Variants in KCNT2 observed in about 807,000 individuals in gnomAD.
KCNT2 encodes potassium sodium-activated channel subfamily T member 2, also known as potassium channel subfamily T member 2.
KCNT2 carries 67 observed loss-of-function variants against 153.8 expected under a neutral mutation model. The ratio of observed to expected loss-of-function variants is 0.44; its 90% CI spans 0.36 to 0.53. KCNT2 has a LOEUF of 0.53. Among genes scored for constraint, KCNT2 ranks in the 20% least tolerant of loss-of-function variants. The pLI, the probability that KCNT2 is intolerant of heterozygous loss-of-function variation, is 0.00. For missense variants in KCNT2, 975 were observed against 1,354.8 expected (o/e 0.72, Z 4.40); for synonymous variants, 500 against 458.8 (o/e 1.09, Z -1.15).
intron 1 of KCNT2, among the ~76,000 whole-genome samples, chr1:196,555,817 G>A (rs1658578216): frequency 2.6e-5 from 4 of 151,128 alleles, no homozygotes; most frequent in African/African-American, 7.3e-5. Context: ...CAGACCAATG[G>A]AAAACAATAA....
At chr1:196,414,311 A>T (rs1455756240) in intron 12 of KCNT2, among the ~76,000 whole-genome samples, 1 of 151,774 alleles carries the variant, frequency 6.6e-6, no homozygotes, top group Non-Finnish European at 1.5e-5. Context: ...ATACTGCAAG[A>T]TTAATCAATT....
chr1:196,596,051 G>GATATATAT (rs1664022466), intron 1 of KCNT2, among the ~76,000 whole-genome samples: 1 of 87,188 alleles, frequency 1.1e-5, no homozygotes, highest in African/African-American at 6.3e-5. Context: ...TGTATTCCAT[G>GATATATAT]ATGTGTATAT....
At chr1:196,506,680 C>G (rs1681173835) in intron 1 of KCNT2, among the ~76,000 whole-genome samples, 1 of 152,092 alleles carries the variant, frequency 6.6e-6, no homozygotes, top group Admixed American at 6.6e-5. Flanking sequence ...ATCCTAGAGC[C>G]TAATAAATAA....
chr1:196,417,494 C>G (rs111394347), intron 12 of KCNT2, among the ~76,000 whole-genome samples: 11 of 152,252 alleles, frequency 7.2e-5, no homozygotes, highest in Non-Finnish European at 1.3e-4. Flanking sequence ...GAGGCAGTCC[C>G]TTTACAGCCC....
chr1:196,445,330 G>T (rs1675594436), intron 8 of KCNT2, among the ~76,000 whole-genome samples: 2 of 150,490 alleles, frequency 1.3e-5, no homozygotes, highest in Non-Finnish European at 3.0e-5. Flanking sequence ...ATTTCCAAAA[G>T]AATATCTTGC....
At chr1:196,329,076 A>G (rs1376970965) in intron 18 of KCNT2, among the ~76,000 whole-genome samples, 2 of 152,142 alleles carry the variant, frequency 1.3e-5, no homozygotes, top group East Asian at 3.9e-4. Flanking sequence ...AGCTCAATTA[A>G]TAGGGAAACA....
chr1:196,283,509 C>CT (rs1409968334), intron 23 of KCNT2, among the ~76,000 whole-genome samples: 1 of 152,028 alleles, frequency 6.6e-6, no homozygotes, highest in Non-Finnish European at 1.5e-5. Flanking sequence ...TTGCATTTCC[C>CT]TGGGGTGACA....
intron 1 of KCNT2, among the ~76,000 whole-genome samples, chr1:196,540,608 G>C (rs1189618656): frequency 6.6e-6 from 1 of 152,158 alleles, no homozygotes; most frequent in East Asian, 1.9e-4. Context: ...CTGTGCTAAA[G>C]TGAAAGTAGC....
intron 26 of KCNT2, among the ~76,000 whole-genome samples, chr1:196,241,437 A>G (rs139154608): frequency 2.7e-4 from 41 of 152,202 alleles, no homozygotes; most frequent in African/African-American, 9.6e-4. Context: ...GTTTATGAGT[A>G]CAACTATTTC....
intron 1 of KCNT2, among the ~76,000 whole-genome samples, chr1:196,516,240 G>A (rs1032391131): frequency 6.6e-6 from 1 of 152,170 alleles, no homozygotes; most frequent in African/African-American, 2.4e-5. Flanking sequence ...CAGAGGGAGG[G>A]GCAGGCCACC....
chr1:196,482,522 G>GCC (rs2148707202), intron 3 of KCNT2, 143 bp from the exon 4 acceptor site: 1 of 512,880 alleles, frequency 1.9e-6, no homozygotes, highest in Non-Finnish European at 3.4e-6. Flanking sequence ...AAACGTTGTT[G>GCC]CCTTAGTTTT....
intron 1 of KCNT2, among the ~76,000 whole-genome samples, chr1:196,558,846 A>G (rs905363145): frequency 6.6e-6 from 1 of 151,598 alleles, no homozygotes; most frequent in African/African-American, 2.4e-5. Context: ...TTTATTATGT[A>G]TAAAAATTTG....
At chr1:196,316,439 A>G (rs117842482) in intron 20 of KCNT2, among the ~76,000 whole-genome samples, 7,517 of 151,786 alleles carry the variant, frequency 0.05, 282 homozygotes, top group Non-Finnish European at 0.072. Flanking sequence ...AGAGGAATAA[A>G]TAAGTGCTAT....
intron 25 of KCNT2, among the ~76,000 whole-genome samples, chr1:196,260,018 T>C (rs1656861663): frequency 6.6e-6 from 1 of 151,832 alleles, no homozygotes; most frequent in South Asian, 2.1e-4. Flanking sequence ...CCAACAATAA[T>C]ATCAATATGT....
At chr1:196,250,562 C>T (rs1655871606) in intron 26 of KCNT2, among the ~76,000 whole-genome samples, 1 of 152,058 alleles carries the variant, frequency 6.6e-6, no homozygotes. Flanking sequence ...GGACATTGGA[C>T]TGGGTAATGA....
intron 16 of KCNT2, among the ~76,000 whole-genome samples, chr1:196,337,973 G>A (rs770506785): frequency 6.6e-6 from 1 of 151,998 alleles, no homozygotes; most frequent in Non-Finnish European, 1.5e-5. Flanking sequence ...ACTTACACGA[G>A]AGTTCTTGGT....
chr1:196,290,315 T>C (rs1435511737), intron 22 of KCNT2, among the ~76,000 whole-genome samples: 1 of 152,048 alleles, frequency 6.6e-6, no homozygotes, highest in Admixed American at 6.6e-5. Flanking sequence ...TCACTCTATC[T>C]CAGCTTCCAG....
intron 1 of KCNT2, among the ~76,000 whole-genome samples, chr1:196,492,569 T>C (rs1679941245): frequency 6.6e-6 from 1 of 152,168 alleles, no homozygotes; most frequent in Non-Finnish European, 1.5e-5. Context: ...TTTTCTACTT[T>C]TAAAGATAGA....
intron 1 of KCNT2, among the ~76,000 whole-genome samples, chr1:196,542,348 G>T (rs1033044588): frequency 7.9e-5 from 12 of 152,078 alleles, no homozygotes; most frequent in African/African-American, 2.7e-4. Context: ...GGGGCAACCT[G>T]GTGACACTGC....
Sources: gnomAD v4.1 joint callset for allele counts (sites outside exome capture counted in the v4.1 genomes callset) on GRCh38, gnomAD v4.1.1 for gene constraint, MANE v1.5 for transcripts, NCBI Gene and HGNC (gene_info 2026-07-23, HGNC 2026-07-21) for gene names.